ANKS1B: variants seen among roughly 807,000 people sequenced by gnomAD.
The protein encoded by ANKS1B is ankyrin repeat and sterile alpha motif domain containing 1B.
In ANKS1B, 36 loss-of-function variants were observed where a neutral mutation model predicts 148.3. That is an observed-to-expected ratio of 0.24 (90% confidence interval 0.19 to 0.32). The LOEUF is 0.32. ANKS1B is among the 10% of genes least tolerant of loss of function. The pLI is 1.00. For missense variants in ANKS1B, 1,157 were observed against 1,542.6 expected (o/e 0.75, Z 4.19); for synonymous variants, 542 against 560.8 (o/e 0.97, Z 0.47).
intron 9 of ANKS1B, among the ~76,000 whole-genome samples, chr12:99,535,618 C>G (rs12309984): frequency 0.013 from 2,014 of 152,174 alleles, 46 homozygotes; most frequent in African/African-American, 0.046. Context: ...AACTGTATGC[C>G]AAGGCTCTAC....
chr12:98,964,445 G>A (rs765184297), intron 17 of ANKS1B, among the ~76,000 whole-genome samples: 4 of 152,128 alleles, frequency 2.6e-5, no homozygotes, highest in Admixed American at 2.6e-4. Context: ...CCCACTGCTA[G>A]GTATATACCC....
chr12:99,805,617 G>A (rs138555766), intron 4 of ANKS1B, among the ~76,000 whole-genome samples: 2 of 152,074 alleles, frequency 1.3e-5, no homozygotes, highest in Non-Finnish European at 2.9e-5. Flanking sequence ...CTGGGCAACA[G>A]AGCAAGACTC....
intron 9 of ANKS1B, among the ~76,000 whole-genome samples, chr12:99,619,295 G>A (rs2098014880): frequency 6.6e-6 from 1 of 151,534 alleles, no homozygotes; most frequent in South Asian, 2.1e-4. Context: ...TGAATCAGCA[G>A]CCTGAGCCAC....
At chr12:99,447,987 C>A (rs2095663682) in intron 10 of ANKS1B, among the ~76,000 whole-genome samples, 1 of 152,020 alleles carries the variant, frequency 6.6e-6, no homozygotes, top group Admixed American at 6.6e-5. Flanking sequence ...AGGGGAACCA[C>A]TGTACACTGT....
chr12:99,081,252 T>G (rs538327082), intron 16 of ANKS1B, among the ~76,000 whole-genome samples: 32 of 150,034 alleles, frequency 2.1e-4, no homozygotes, highest in Middle Eastern at 6.8e-3. Flanking sequence ...ACATCAAGAT[T>G]GTACTGAGCA....
chr12:99,310,664 G>A (rs191272777), intron 12 of ANKS1B, among the ~76,000 whole-genome samples: 86 of 152,214 alleles, frequency 5.6e-4, no homozygotes, highest in African/African-American at 1.9e-3. Flanking sequence ...CACTCAGGCT[G>A]GGACCAAACC....
At chr12:99,678,155 C>T (rs2098592481) in intron 8 of ANKS1B, among the ~76,000 whole-genome samples, 2 of 152,182 alleles carry the variant, frequency 1.3e-5, no homozygotes, top group Non-Finnish European at 1.5e-5. Context: ...TACTGTTCTA[C>T]TTAACACAGG....
intron 17 of ANKS1B, among the ~76,000 whole-genome samples, chr12:98,910,784 A>G (rs143610636): frequency 1.6e-4 from 25 of 152,360 alleles, no homozygotes; most frequent in Non-Finnish European, 3.5e-4. Flanking sequence ...GGAGCATTCT[A>G]TAGTCAATTG....
chr12:99,796,522 G>A (rs2066272394), intron 4 of ANKS1B, among the ~76,000 whole-genome samples: 1 of 151,876 alleles, frequency 6.6e-6, no homozygotes, highest in East Asian at 1.9e-4. Flanking sequence ...TCCAGTGGCA[G>A]CTTGGCTTTT....
chr12:99,208,843 T>A (rs557029933), intron 14 of ANKS1B, among the ~76,000 whole-genome samples: 5 of 152,296 alleles, frequency 3.3e-5, no homozygotes, highest in Non-Finnish European at 5.9e-5. Context: ...AGCTTTTTTT[T>A]AAACCTATCT....
Position 99,335,195 on chromosome 12 carries a change from T to G in ANKS1B, c.1756+64436A>C, listed in dbSNP as rs1566915521. Among the ~76,000 whole-genome samples, 3 of 152,172 alleles carry G rather than the reference T, an allele frequency of 2.0e-5. No homozygotes were observed. In the East Asian group the frequency reaches 5.8e-4, roughly 29 times the overall value. On this transcript the variant is annotated intron_variant, in intron 12 of 26. Transcript: ENST00000683438. ...CTTCAGTTTTAATTTTTTAAGCTTT[T>G]AAAATTTTTTTCATTTTTAATTTTC... is the stretch of plus-strand genomic sequence containing the variant.
chr12:99,565,946 G>A (rs2097387528), intron 9 of ANKS1B, among the ~76,000 whole-genome samples: 1 of 152,092 alleles, frequency 6.6e-6, no homozygotes, highest in African/African-American at 2.4e-5. Context: ...CCTCCTAGAG[G>A]CCCTCAGGTT....
rs538029790 is a variant in ANKS1B at position 99,891,287 on chromosome 12, C to T, written c.135-65898G>A. Among the ~76,000 whole-genome samples, 15 of 152,164 alleles carry T rather than the reference C, an allele frequency of 9.9e-5. No homozygotes were observed. In the South Asian group the frequency reaches 2.1e-3, roughly 21 times the overall value. On this transcript the variant is annotated intron_variant, in intron 1 of 26. Transcript: ENST00000683438. ...ATATCAATGCCAAAATTTATTATTGCTAACTTTTTAAATTATAAACAATTG... is the reference window on the plus strand; with the variant it reads ...ATATCAATGCCAAAATTTATTATTGTTAACTTTTTAAATTATAAACAATTG...
chr12:98,837,689 A>G (rs576870942), intron 17 of ANKS1B, among the ~76,000 whole-genome samples: 2 of 152,304 alleles, frequency 1.3e-5, no homozygotes, highest in South Asian at 4.2e-4. Context: ...CTTACATGGA[A>G]TAGCTTACTT....
chr12:99,204,831 T>C (rs1217176805), intron 14 of ANKS1B, among the ~76,000 whole-genome samples: 1 of 152,208 alleles, frequency 6.6e-6, no homozygotes, highest in Non-Finnish European at 1.5e-5. Context: ...TCTTATATTA[T>C]TTTTCTTTGG....
chr12:99,566,542 C>T (rs922339138), intron 9 of ANKS1B, among the ~76,000 whole-genome samples: 1 of 152,128 alleles, frequency 6.6e-6, no homozygotes, highest in Non-Finnish European at 1.5e-5. Flanking sequence ...GTGTTAGAAA[C>T]TTAATCCTTA....
At chr12:99,058,688 T>C (rs2041164415) in intron 16 of ANKS1B, among the ~76,000 whole-genome samples, 1 of 150,634 alleles carries the variant, frequency 6.6e-6, no homozygotes, top group Non-Finnish European at 1.5e-5. Flanking sequence ...ATACAGTTTC[T>C]ACTTTTTCTC....
chr12:99,276,724 C>A (rs958674008), intron 12 of ANKS1B, among the ~76,000 whole-genome samples: 3 of 152,216 alleles, frequency 2.0e-5, no homozygotes, highest in Admixed American at 6.5e-5. Flanking sequence ...ATAAAACCTT[C>A]TTCTGACGAT....
intron 9 of ANKS1B, among the ~76,000 whole-genome samples, chr12:99,539,432 T>C (rs567836088): frequency 6.6e-6 from 1 of 152,250 alleles, no homozygotes; most frequent in South Asian, 2.1e-4. Context: ...AAATAGATTA[T>C]TTTAAGTTAA....
Sources: gnomAD v4.1 joint callset for allele counts (sites outside exome capture counted in the v4.1 genomes callset) on GRCh38, gnomAD v4.1.1 for gene constraint, MANE v1.5 for transcripts, NCBI Gene and HGNC (gene_info 2026-07-23, HGNC 2026-07-21) for gene names.